Variants in NRXN1 observed in about 807,000 individuals in gnomAD.
NRXN1 encodes the protein neurexin-1.
In NRXN1, 39 loss-of-function variants were observed where a neutral mutation model predicts 150.9. The ratio of observed to expected loss-of-function variants is 0.26; its 90% CI spans 0.20 to 0.34. The LOEUF is 0.34. Ranked by LOEUF, NRXN1 falls within the 10% of genes least tolerant of loss-of-function variation. The pLI, the probability that NRXN1 is intolerant of heterozygous loss-of-function variation, is 1.00. For missense variants in NRXN1, 1,815 were observed against 1,949.9 expected, an observed-to-expected ratio of 0.93 and a Z score of 1.30; for synonymous variants, 924 against 757.0, an observed-to-expected ratio of 1.22 and a Z score of -3.62.
At chr2:50,586,865 T>C (rs1673198955) in intron 8 of NRXN1, among the ~76,000 whole-genome samples, 1 of 152,214 alleles carries the variant, frequency 6.6e-6, no homozygotes, top group African/African-American at 2.4e-5. Context: ...GTTATAGTAA[T>C]TAGCTTTATG....
At chr2:50,815,877 TAA>T (rs887519014) in intron 5 of NRXN1, among the ~76,000 whole-genome samples, 1 of 152,172 alleles carries the variant, frequency 6.6e-6, no homozygotes, top group Non-Finnish European at 1.5e-5. Context: ...AAATAATGCA[TAA>T]GTGTATCCTG....
intron 18 of NRXN1, among the ~76,000 whole-genome samples, chr2:50,163,723 A>C (rs2059505806): frequency 6.6e-6 from 1 of 152,206 alleles, no homozygotes; most frequent in African/African-American, 2.4e-5. Flanking sequence ...GTAAGCATTT[A>C]CTTTTTCTTG....
chr2:50,795,713 G>A (rs1474562953), intron 5 of NRXN1, among the ~76,000 whole-genome samples: 3 of 152,066 alleles, frequency 2.0e-5, no homozygotes, highest in Non-Finnish European at 4.4e-5. Context: ...GAACTGCTCA[G>A]TACTTATGAA....
intron 19 of NRXN1, among the ~76,000 whole-genome samples, chr2:50,079,008 C>A (rs538707768): frequency 2.0e-5 from 3 of 152,148 alleles, no homozygotes; most frequent in African/African-American, 7.2e-5. Context: ...ATTCCTATTT[C>A]CATCATCCTT....
chr2:50,884,247 T>C (rs747506908), intron 5 of NRXN1, among the ~76,000 whole-genome samples: 49 of 151,970 alleles, frequency 3.2e-4, no homozygotes, highest in Non-Finnish European at 6.0e-4. Flanking sequence ...AATGGACATA[T>C]TGTTTGGTAA....
At chr2:50,232,665 G>T (rs139776763) in intron 18 of NRXN1, among the ~76,000 whole-genome samples, 2 of 151,986 alleles carry the variant, frequency 1.3e-5, no homozygotes, top group African/African-American at 4.8e-5. Flanking sequence ...GATTACAGGC[G>T]TGAGCCACTG....
chr2:50,934,486 T>C lies in NRXN1; in HGVS notation c.773-8531A>G, dbSNP rs796126856. On this transcript the variant is annotated intron_variant, in intron 2 of 22. Coordinates refer to ENST00000401669, the MANE Select transcript of NRXN1 (RefSeq NM_001330078.2). ...TATGTAACCACAGAGACATATGGCA[T>C]ATTTCTAAGTAAAATTAAAATTTCA... Among the ~76,000 whole-genome samples, 9 of 152,282 alleles carry C rather than the reference T, an allele frequency of 5.9e-5. 1 individual carries two copies. The South Asian group carries it at 1.0e-3, about 18-fold the overall frequency.
intron 17 of NRXN1, among the ~76,000 whole-genome samples, chr2:50,397,252 T>G (rs573482280): frequency 1.1e-4 from 17 of 152,174 alleles, no homozygotes; most frequent in Admixed American, 9.2e-4. Flanking sequence ...GCTATTAGAG[T>G]GGCGATCAGT....
chr2:50,289,290 A>G (rs2072598479), intron 17 of NRXN1, among the ~76,000 whole-genome samples: 1 of 152,162 alleles, frequency 6.6e-6, no homozygotes, highest in African/African-American at 2.4e-5. Context: ...TATTGACTAA[A>G]AGAGGTAGCT....
intron 2 of NRXN1, among the ~76,000 whole-genome samples, chr2:50,943,123 G>A (rs540736243): frequency 6.6e-6 from 1 of 151,994 alleles, no homozygotes; most frequent in Non-Finnish European, 1.5e-5. Flanking sequence ...CTGCCATCAT[G>A]TAAGGCATGC....
chr2:50,722,992 G>A (rs182474679), intron 5 of NRXN1, among the ~76,000 whole-genome samples: 2 of 152,160 alleles, frequency 1.3e-5, no homozygotes, highest in Admixed American at 6.5e-5. Flanking sequence ...TCATTCTCCT[G>A]CTTGGTAGCT....
chr2:50,614,733 C>CAAAAAAAA (rs33968907), intron 8 of NRXN1, among the ~76,000 whole-genome samples: 1 of 98,272 alleles, frequency 1.0e-5, no homozygotes, highest in Admixed American at 1.2e-4. Context: ...ATCAGCCATT[C>CAAAAAAAA]AAAAAAAAAA....
At chr2:50,532,952 T>G (rs1270706885) in intron 10 of NRXN1, among the ~76,000 whole-genome samples, 1 of 152,146 alleles carries the variant, frequency 6.6e-6, no homozygotes, top group East Asian at 1.9e-4. Flanking sequence ...ACCAGGAAAT[T>G]TTCATTATTT....
At chr2:50,422,740 G>A (rs1450408030) in intron 17 of NRXN1, among the ~76,000 whole-genome samples, 1 of 152,124 alleles carries the variant, frequency 6.6e-6, no homozygotes, top group Non-Finnish European at 1.5e-5. Flanking sequence ...CTGCTTAACC[G>A]TAGCAACCAG....
chr2:50,942,153 TGG>T (rs1315414305), intron 2 of NRXN1, among the ~76,000 whole-genome samples: 1 of 152,180 alleles, frequency 6.6e-6, no homozygotes, highest in African/African-American at 2.4e-5. Flanking sequence ...CACATGGTGT[TGG>T]GCCTGCAGGT....
At chr2:50,065,957 C>T (rs1695293315) in intron 19 of NRXN1, among the ~76,000 whole-genome samples, 1 of 152,126 alleles carries the variant, frequency 6.6e-6, no homozygotes, top group African/African-American at 2.4e-5. Flanking sequence ...TTCCTCTTTT[C>T]CTTCTTGCCT....
intron 2 of NRXN1, among the ~76,000 whole-genome samples, chr2:50,990,196 A>C (rs920384345): frequency 6.6e-6 from 1 of 152,012 alleles, no homozygotes; most frequent in Non-Finnish European, 1.5e-5. Context: ...TTGTGTATTT[A>C]GGATAGGCAT....
chr2:49,923,851 G>A (rs976372995), intron 22 of NRXN1, among the ~76,000 whole-genome samples: 16 of 152,158 alleles, frequency 1.1e-4, no homozygotes, highest in African/African-American at 3.6e-4. Context: ...GCTACAAAAT[G>A]TAGCAGGTAA....
At chr2:50,190,431 C>A (rs1399948776) in intron 18 of NRXN1, among the ~76,000 whole-genome samples, 1 of 152,010 alleles carries the variant, frequency 6.6e-6, no homozygotes, top group Non-Finnish European at 1.5e-5. Context: ...GACATTTTTA[C>A]ATCTCAAGCA....
Sources: allele counts gnomAD v4.1 joint callset (sites outside exome capture counted in the v4.1 genomes callset), GRCh38; gene constraint gnomAD v4.1.1; transcripts MANE v1.5; gene names NCBI Gene and HGNC (gene_info 2026-07-23, HGNC 2026-07-21).